XRCC4: variants seen among roughly 807,000 people sequenced by gnomAD.
XRCC4 encodes X-ray repair cross complementing 4.
In XRCC4, 28 loss-of-function variants were observed where a neutral mutation model predicts 39.1. The observed-to-expected ratio is 0.72, with a 90% CI of 0.53 to 0.98. The LOEUF is 0.98. XRCC4 is among the 50% of genes least tolerant of loss of function. XRCC4 has a pLI of 0.00. For synonymous variants in XRCC4, 123 were observed against 126.4 expected (o/e 0.97, Z 0.18); for missense variants, 350 against 376.4 (o/e 0.93, Z 0.58).
intron 6 of XRCC4, among the ~76,000 whole-genome samples, chr5:83,249,751 T>C (rs1753241350): frequency 6.6e-6 from 1 of 152,100 alleles, no homozygotes; most frequent in Non-Finnish European, 1.5e-5. Flanking sequence ...TCTGCCAATT[T>C]TATCAGATTT....
intron 1 of XRCC4, among the ~76,000 whole-genome samples, chr5:83,082,488 T>C (rs7718284): frequency 0.51 from 78,121 of 152,048 alleles, 21,445 homozygotes; most frequent in African/African-American, 0.71. Context: ...ATTATCTTTG[T>C]AACCCTTCTG....
chr5:83,211,681 A>G (rs73769415), intron 6 of XRCC4, among the ~76,000 whole-genome samples: 1,815 of 152,322 alleles, frequency 0.012, 30 homozygotes, highest in African/African-American at 0.042. Context: ...CATTATTTCT[A>G]TCAATTACTG....
rs796405203 is a variant in XRCC4, at chr5:83,244,118, G to T, written c.746-14412G>T. 3.3e-5 allele frequency among the ~76,000 whole-genome samples: 5 copies of T among 152,126 alleles called. No individual in the cohort carries two copies. The South Asian group carries it at 8.3e-4, about 25-fold the overall frequency. ...TTTATATTATTTCAAGGATTGTACT[G>T]TTATGTAATGGTATATATAGTAGAA... On this transcript the variant is annotated intron_variant, in intron 6 of 7. Transcript: ENST00000396027.
intron 7 of XRCC4, among the ~76,000 whole-genome samples, chr5:83,334,925 C>T (rs16900322): frequency 6.6e-6 from 1 of 151,584 alleles, no homozygotes; most frequent in African/African-American, 2.4e-5. Flanking sequence ...TGTTTTTAAC[C>T]TAATATTTAT....
intron 3 of XRCC4, among the ~76,000 whole-genome samples, chr5:83,131,627 AT>A (rs552651722): frequency 1.6e-3 from 251 of 152,208 alleles, no homozygotes; most frequent in African/African-American, 5.7e-3. Context: ...CTTTACCATT[AT>A]GTAATGGCCT....
At chr5:83,331,720 T>G (rs1293829779) in intron 7 of XRCC4, among the ~76,000 whole-genome samples, 1 of 152,120 alleles carries the variant, frequency 6.6e-6, no homozygotes, top group African/African-American at 2.4e-5. Flanking sequence ...CCTGTTGAAA[T>G]AAAATTCTTT....
intron 3 of XRCC4, among the ~76,000 whole-genome samples, chr5:83,151,720 T>G (rs1188874191): frequency 6.6e-6 from 1 of 152,208 alleles, no homozygotes; most frequent in Non-Finnish European, 1.5e-5. Flanking sequence ...CTGTGTGCAC[T>G]AATATATTCA....
chr5:83,080,226 ATAT>A (rs2112270690), intron 1 of XRCC4, among the ~76,000 whole-genome samples: 1 of 152,264 alleles, frequency 6.6e-6, no homozygotes. Context: ...CAGTCTGAAA[ATAT>A]TAAGTAGAAA....
At chr5:83,199,767 TA>T (rs889880159) in intron 4 of XRCC4, among the ~76,000 whole-genome samples, 9 of 137,514 alleles carry the variant, frequency 6.5e-5, no homozygotes, top group Non-Finnish European at 3.4e-5. Context: ...TTTAATTTTT[TA>T]AAAAAAATTA....
chr5:83,222,116 GATA>G (rs1475632793), intron 6 of XRCC4, among the ~76,000 whole-genome samples: 1 of 151,666 alleles, frequency 6.6e-6, no homozygotes, highest in Non-Finnish European at 1.5e-5. Flanking sequence ...TTTTAAATCT[GATA>G]ATCTTTGTAT....
downstream of XRCC4, among the ~76,000 whole-genome samples, chr5:83,357,469 G>T (rs1757202779): frequency 1.3e-5 from 2 of 152,128 alleles, no homozygotes; most frequent in Admixed American, 1.3e-4. Flanking sequence ...TGGAGAGTGG[G>T]CTGAGGATGC....
At chr5:83,372,656 T>G in the XRCC4 span, among the ~76,000 whole-genome samples, 153 of 152,346 alleles carry the variant, frequency 1.0e-3, no homozygotes, top group African/African-American at 3.5e-3. Flanking sequence ...TTCAGTTACT[T>G]GCTTCACCAA....
At chr5:83,359,291 G>A in the XRCC4 span, among the ~76,000 whole-genome samples, 17 of 152,220 alleles carry the variant, frequency 1.1e-4, no homozygotes, top group East Asian at 9.7e-4. Flanking sequence ...TTGAAGTAGC[G>A]TACAGAAGAG....
At chr5:83,298,767 G>GT (rs1339899033) in intron 7 of XRCC4, among the ~76,000 whole-genome samples, 1 of 151,828 alleles carries the variant, frequency 6.6e-6, no homozygotes, top group African/African-American at 2.4e-5. Flanking sequence ...ACTTATGAAA[G>GT]TATAAAGTCA....
At position 83,105,454 on chromosome 5, in the gene XRCC4, GTTAT is replaced by G. The variant is rs1354734752; in HGVS notation, c.139+411_139+414del. Among the ~76,000 whole-genome samples, 12 of 152,100 alleles carry G rather than the reference GTTAT, an allele frequency of 7.9e-5. No homozygotes were observed. In the East Asian group the frequency reaches 2.3e-3, roughly 29 times the overall value. On this transcript the variant is annotated intron_variant, in intron 2 of 7. Coordinates refer to ENST00000396027, the MANE Select transcript of XRCC4 (RefSeq NM_003401.5). ...CCTTGGGGCAATGGGGTAGTGGTGG[GTTAT>G]TTATTTATTTATTTTCCCCAGTGAA...
At chr5:83,095,611 A>G (rs1402672825) in intron 1 of XRCC4, among the ~76,000 whole-genome samples, 2 of 152,062 alleles carry the variant, frequency 1.3e-5, no homozygotes, top group Non-Finnish European at 2.9e-5. Flanking sequence ...TTCTCTACCT[A>G]GACAGGATTA....
intron 7 of XRCC4, among the ~76,000 whole-genome samples, chr5:83,284,180 A>G (rs1292799189): frequency 6.6e-6 from 1 of 151,904 alleles, no homozygotes; most frequent in Non-Finnish European, 1.5e-5. Context: ...TCATGAAAAA[A>G]CTTAGAAAAG....
rs147339071 is a variant in XRCC4 at position 83,236,290 on chromosome 5, G to A, written c.746-22240G>A. 1.3e-3 allele frequency among the ~76,000 whole-genome samples: 191 copies of A among 152,020 alleles called. 6 individuals are homozygous for A. In the East Asian group the frequency reaches 0.035, roughly 28 times the overall value. On this transcript the variant is annotated intron_variant, in intron 6 of 7. Coordinates refer to ENST00000396027, the MANE Select transcript of XRCC4 (RefSeq NM_003401.5). ...CTGAGCAAAAAGAACAAAATTGAAG[G>A]CAACACATAACCTTACTTCAAATTA...
intron 3 of XRCC4, among the ~76,000 whole-genome samples, chr5:83,194,293 G>T (rs577120023): frequency 6.6e-6 from 1 of 152,086 alleles, no homozygotes; most frequent in African/African-American, 2.4e-5. Context: ...ACTCAGAGAG[G>T]TTTCAAAAGG....
Sources: gnomAD v4.1 joint callset for allele counts (sites outside exome capture counted in the v4.1 genomes callset) on GRCh38, gnomAD v4.1.1 for gene constraint, MANE v1.5 for transcripts, NCBI Gene and HGNC (gene_info 2026-07-23, HGNC 2026-07-21) for gene names.